The following SPATA17 variants were observed in gnomAD, a reference collection of about 807,000 sequenced individuals.
SPATA17 encodes the protein spermatogenesis associated 17.
Under a neutral mutation model 62.2 loss-of-function variants are expected in SPATA17, and 53 were observed. That is an observed-to-expected ratio of 0.85 (90% CI 0.68 to 1.07). The LOEUF is 1.07. Among genes scored for constraint, SPATA17 ranks in the 50% least tolerant of loss-of-function variants. The pLI is 0.00. For synonymous variants in SPATA17, 146 were observed against 146.8 expected (o/e 0.99, Z 0.04); for missense variants, 466 against 425.5 (o/e 1.10, Z -0.84).
At chr1:217,653,707 G>C (rs17673280) in intron 3 of SPATA17, among the ~76,000 whole-genome samples, 6,306 of 151,968 alleles carry the variant, frequency 0.041, 199 homozygotes, top group Middle Eastern at 0.095. Flanking sequence ...ATGCTTCCTG[G>C]GCATAATGTC....
intron 9 of SPATA17, among the ~76,000 whole-genome samples, chr1:217,816,527 T>A (rs1298052748): frequency 6.6e-6 from 1 of 151,848 alleles, no homozygotes; most frequent in Non-Finnish European, 1.5e-5. Flanking sequence ...TTTCTGGTCA[T>A]ATTAACTAAC....
In SPATA17 at chr1:217,868,436, CT is replaced by C. The variant is rs1676062354; in HGVS notation, c.*1419del. The C allele has an allele frequency of 2.6e-5, 4 of 152,120 alleles. No individual in the cohort carries two copies. The highest frequency in any genetic ancestry group is 6.6e-5 in the Admixed American group (1 of 15,248). The allele number at this position is 152,120 out of a possible 1,614,324, so 9.4% of individuals were successfully genotyped here. A position where few individuals can be genotyped will look rare whatever the true frequency, so the allele number is the denominator to read the frequency against. On this transcript the variant is annotated 3_prime_UTR_variant, in exon 11 of 11. Coordinates refer to ENST00000366933, the MANE Select transcript of SPATA17 (RefSeq NM_138796.4). ...TTAAAAATGCATTTAATACAGCTAA[CT>C]TACCAGACAGCTTAGCTTAGCCTCA...
rs187290015 is a variant in SPATA17, at chr1:217,750,768, C to A, written c.519+8670C>A. Among the ~76,000 whole-genome samples, 826 of 152,288 alleles carry A rather than the reference C, an allele frequency of 5.4e-3. 7 individuals are homozygous for A. The highest frequency in any genetic ancestry group is 0.025 in the South Asian group (122 of 4,820). On this transcript the variant is annotated intron_variant, in intron 6 of 10. Transcript: ENST00000366933. The stretch of plus-strand genomic sequence containing the variant: ...AACTCACACTGACAGAGATGCCACT[C>A]GTCGGAATGTGCTAGAGCAGCATGG...
At chr1:217,639,541 T>G (rs978513587) in intron 1 of SPATA17, among the ~76,000 whole-genome samples, 2 of 152,154 alleles carry the variant, frequency 1.3e-5, no homozygotes, top group Non-Finnish European at 2.9e-5. Context: ...CTACAATAAT[T>G]TTCATTTAAT....
intron 9 of SPATA17, among the ~76,000 whole-genome samples, chr1:217,808,366 C>A (rs1356175062): frequency 1.1e-5 from 1 of 94,906 alleles, no homozygotes; most frequent in East Asian, 2.4e-4. Flanking sequence ...CACACACACA[C>A]ACACACACAC....
intron 5 of SPATA17, among the ~76,000 whole-genome samples, chr1:217,716,631 C>T (rs968597986): frequency 4.6e-5 from 7 of 152,052 alleles, no homozygotes; most frequent in Non-Finnish European, 1.0e-4. Context: ...ACAAAAGAAA[C>T]ACTTTAATTA....
intron 9 of SPATA17, among the ~76,000 whole-genome samples, chr1:217,827,494 AAC>A (rs1394117103): frequency 1.1e-4 from 16 of 152,120 alleles, no homozygotes; most frequent in Non-Finnish European, 2.2e-4. Flanking sequence ...TAGAACCGGA[AAC>A]ACATCCAGGA....
rs184786859 is a variant in SPATA17, at chr1:217,835,526, C to T, written c.1006-27248C>T. On this transcript the variant is annotated intron_variant, in intron 9 of 10. Transcript: ENST00000366933. Reference sequence around the variant, plus strand: ...TGTGAATTTGTAGCACAAGGCATAACGTGACCCTAGTGCATTGAATAACCG... The same window carrying T: ...TGTGAATTTGTAGCACAAGGCATAATGTGACCCTAGTGCATTGAATAACCG... Among the ~76,000 whole-genome samples the T allele has an allele frequency of 1.8e-3, 279 of 152,238 alleles. 1 individual carries two copies. The highest frequency in any genetic ancestry group is 4.1e-3 in the African/African-American group (170 of 41,560).
At chr1:217,768,361 A>T (rs985753711) in intron 6 of SPATA17, among the ~76,000 whole-genome samples, 1 of 152,300 alleles carries the variant, frequency 6.6e-6, no homozygotes, top group Admixed American at 6.5e-5. Context: ...CGCTAACAAT[A>T]ACCTCATGCT....
chr1:217,822,678 T>C (rs890091979), intron 9 of SPATA17, among the ~76,000 whole-genome samples: 1 of 149,060 alleles, frequency 6.7e-6, no homozygotes, highest in Admixed American at 6.7e-5. Context: ...ATTTTTCATT[T>C]CTTTGTCTCT....
intron 5 of SPATA17, among the ~76,000 whole-genome samples, chr1:217,699,440 A>T (rs1671541690): frequency 6.6e-6 from 1 of 152,108 alleles, no homozygotes; most frequent in Admixed American, 6.6e-5. Context: ...TTGTAATTGC[A>T]TTTCCCTAAT....
chr1:217,742,142 C>A, intron 6 of SPATA17, 44 bp downstream of exon 6: 1 of 1,603,820 alleles, frequency 6.2e-7, no homozygotes, highest in South Asian at 1.1e-5. Context: ...CCACTTGGGC[C>A]CCTAGCCTGA....
chr1:217,660,795 T>C (rs1670549861), intron 3 of SPATA17, among the ~76,000 whole-genome samples: 1 of 152,214 alleles, frequency 6.6e-6, no homozygotes, highest in Non-Finnish European at 1.5e-5. Flanking sequence ...AAATAAACTT[T>C]TGTTGTTTTG....
At chr1:217,681,667 G>C (rs1671088452) in intron 4 of SPATA17, among the ~76,000 whole-genome samples, 1 of 152,114 alleles carries the variant, frequency 6.6e-6, no homozygotes, top group Admixed American at 6.5e-5. Context: ...AAAGTCCTGG[G>C]ATTAGAGGTG....
chr1:217,670,813 T>C (rs1670814621), intron 4 of SPATA17, among the ~76,000 whole-genome samples: 1 of 152,102 alleles, frequency 6.6e-6, no homozygotes, highest in African/African-American at 2.4e-5. Flanking sequence ...TAGCCGGGCA[T>C]GGTCATGGGC....
At chr1:217,727,595 A>AAATGG (rs1307690182) in intron 5 of SPATA17, among the ~76,000 whole-genome samples, 1 of 152,180 alleles carries the variant, frequency 6.6e-6, no homozygotes, top group Non-Finnish European at 1.5e-5. Context: ...TTGGAGGAAT[A>AAATGG]TTTGAATAGT....
intron 5 of SPATA17, among the ~76,000 whole-genome samples, chr1:217,709,288 G>A (rs1671806183): frequency 6.6e-6 from 1 of 152,108 alleles, no homozygotes; most frequent in South Asian, 2.1e-4. Context: ...AATCTGGGAG[G>A]GGCTTTGCTG....
chr1:217,742,266 C>G (rs907590775), intron 6 of SPATA17, among the ~76,000 whole-genome samples, 168 bp downstream of exon 6: 1 of 152,158 alleles, frequency 6.6e-6, no homozygotes, highest in Non-Finnish European at 1.5e-5. Flanking sequence ...CACCATGACT[C>G]GTCTGTGACA....
chr1:217,790,533 C>G (rs193231893), intron 8 of SPATA17, among the ~76,000 whole-genome samples: 1 of 152,094 alleles, frequency 6.6e-6, no homozygotes, highest in Non-Finnish European at 1.5e-5. Context: ...CTCTGCCTCC[C>G]GGGTTCACGC....
Sources: gnomAD v4.1 joint callset for allele counts (sites outside exome capture counted in the v4.1 genomes callset) on GRCh38, gnomAD v4.1.1 for gene constraint, MANE v1.5 for transcripts, NCBI Gene and HGNC (gene_info 2026-07-23, HGNC 2026-07-21) for gene names.